The following VPS41 variants were observed in gnomAD, a reference collection of about 807,000 sequenced individuals.
VPS41 encodes the protein vacuolar protein sorting-associated protein 41 homolog.
VPS41 carries 85 observed loss-of-function variants against 130.9 expected under a neutral mutation model. The ratio of observed to expected loss-of-function variants is 0.65; its 90% confidence interval spans 0.55 to 0.78. The LOEUF is 0.78. VPS41 is among the 30% of genes least tolerant of loss of function. The pLI is 0.00. For missense variants in VPS41, 874 were observed against 1,018.7 expected (o/e 0.86, Z 1.93); for synonymous variants, 335 against 332.9 (o/e 1.01, Z -0.07).
At chr7:38,763,615 C>A in intron 16 of VPS41, 68 bp from the exon 17 acceptor site, 1 of 952,324 alleles carries the variant, frequency 1.1e-6, no homozygotes, top group Non-Finnish European at 1.6e-6. Flanking sequence ...TCCAATTATG[C>A]AGAAAACATA....
intron 2 of VPS41, among the ~76,000 whole-genome samples, chr7:38,885,294 C>T (rs978139736): frequency 2.0e-5 from 3 of 152,194 alleles, no homozygotes; most frequent in Admixed American, 6.5e-5. Flanking sequence ...AGGACGGTCT[C>T]GATCTCCCCA....
chr7:38,813,969 CT>C (rs1226128810), intron 7 of VPS41, among the ~76,000 whole-genome samples: 1 of 152,166 alleles, frequency 6.6e-6, no homozygotes, highest in African/African-American at 2.4e-5. Flanking sequence ...AACCAAACCC[CT>C]GATGTTCTGC....
At chr7:38,740,759 AT>A (rs1165231024) in intron 25 of VPS41, among the ~76,000 whole-genome samples, 1 of 152,030 alleles carries the variant, frequency 6.6e-6, no homozygotes, top group Admixed American at 6.6e-5. Context: ...TGTCCAGTTA[AT>A]ACTACTGTCC....
chr7:38,780,446 C>CT (rs1279584525), intron 10 of VPS41, among the ~76,000 whole-genome samples: 1 of 151,554 alleles, frequency 6.6e-6, no homozygotes, highest in Non-Finnish European at 1.5e-5. Context: ...AAAAGCATTC[C>CT]TAGACATGCT....
chr7:38,841,518 T>C (rs1785607270), intron 4 of VPS41, among the ~76,000 whole-genome samples: 1 of 152,178 alleles, frequency 6.6e-6, no homozygotes, highest in East Asian at 1.9e-4. Flanking sequence ...TGCCCTTCAG[T>C]CCCCATGGCT....
At position 38,735,084 on chromosome 7, in the gene VPS41, A is replaced by G. The variant is rs575043894; in HGVS notation, c.2260-6293T>C. On this transcript the variant is annotated intron_variant, in intron 25 of 28. Transcript: ENST00000310301. ...AAATTTCTAATAGCACAAAGTATGG[A>G]TGTACCAAATTAATTTTAAAAGCTA... 2.8e-3 allele frequency among the ~76,000 whole-genome samples: 421 copies of G among 152,352 alleles called. 4 individuals carry two copies. The highest frequency in any genetic ancestry group is 3.9e-3 in the Admixed American group (60 of 15,304).
intron 7 of VPS41, among the ~76,000 whole-genome samples, chr7:38,808,406 C>T (rs1460879017): frequency 6.6e-6 from 1 of 152,092 alleles, no homozygotes; most frequent in Admixed American, 6.5e-5. Context: ...TTACTTCCTG[C>T]TAATCAATGG....
chr7:38,889,413 G>A (rs1006369357), intron 2 of VPS41, among the ~76,000 whole-genome samples: 6 of 151,362 alleles, frequency 4.0e-5, no homozygotes, highest in South Asian at 2.1e-4. Flanking sequence ...ATTTCTTACC[G>A]GAAACACCAA....
chr7:38,907,826 C>T (rs1030087827), intron 1 of VPS41, among the ~76,000 whole-genome samples: 1 of 152,098 alleles, frequency 6.6e-6, no homozygotes, highest in African/African-American at 2.4e-5. Context: ...ATAAAACAAA[C>T]ATTTCAACAT....
chr7:38,899,030 C>G (rs539379946), intron 1 of VPS41, among the ~76,000 whole-genome samples: 1 of 152,070 alleles, frequency 6.6e-6, no homozygotes, highest in Non-Finnish European at 1.5e-5. Flanking sequence ...TAAGGAAGAT[C>G]GATGCATATA....
At chr7:38,755,939 A>G (rs1783781203) in intron 19 of VPS41, among the ~76,000 whole-genome samples, 1 of 152,156 alleles carries the variant, frequency 6.6e-6, no homozygotes, top group Admixed American at 6.6e-5. Flanking sequence ...TGTAGTCCCT[A>G]AAGACTTGAC....
chr7:38,777,797 T>C (rs1296294340), intron 10 of VPS41, among the ~76,000 whole-genome samples: 3 of 152,254 alleles, frequency 2.0e-5, no homozygotes. Context: ...CTGGAACCAA[T>C]ACTGAATGCT....
intron 4 of VPS41, among the ~76,000 whole-genome samples, chr7:38,839,585 C>T (rs748345535): frequency 4.6e-5 from 7 of 152,036 alleles, no homozygotes; most frequent in Non-Finnish European, 8.8e-5. Flanking sequence ...TGCACCACCA[C>T]GTCCAGCTAA....
chr7:38,842,154 A>G (rs534099899), intron 4 of VPS41, among the ~76,000 whole-genome samples: 1 of 152,242 alleles, frequency 6.6e-6, no homozygotes, highest in East Asian at 1.9e-4. Context: ...CATCCCAGAG[A>G]AATTTTTCTC....
chr7:38,840,756 T>G (rs1011091787), intron 4 of VPS41, among the ~76,000 whole-genome samples: 61 of 152,302 alleles, frequency 4.0e-4, no homozygotes, highest in African/African-American at 1.4e-3. Context: ...CAGTCCCCAT[T>G]AGCAAATGGA....
At chr7:38,863,703 T>TA (rs1319965065) in intron 3 of VPS41, among the ~76,000 whole-genome samples, 7 of 151,866 alleles carry the variant, frequency 4.6e-5, no homozygotes, top group South Asian at 4.2e-4. Flanking sequence ...GTCCCCAGGG[T>TA]AAAAAAAATC....
At chr7:38,855,030 G>A (rs960692878) in intron 4 of VPS41, among the ~76,000 whole-genome samples, 7 of 151,882 alleles carry the variant, frequency 4.6e-5, no homozygotes, top group South Asian at 2.1e-4. Flanking sequence ...CCAACATGAT[G>A]AAACCCTGTC....
intron 4 of VPS41, among the ~76,000 whole-genome samples, chr7:38,862,070 G>A (rs947590218): frequency 7.2e-5 from 11 of 152,136 alleles, no homozygotes; most frequent in African/African-American, 2.4e-4. Context: ...CACTAAATGA[G>A]GGAGTTCATA....
chr7:38,770,269 C>CAAA (rs5883660), intron 14 of VPS41, among the ~76,000 whole-genome samples: 1 of 79,548 alleles, frequency 1.3e-5, no homozygotes, highest in African/African-American at 4.0e-5. Context: ...AACTCCGTCT[C>CAAA]AAAAAAAAAA....
Sources: allele counts gnomAD v4.1 joint callset (sites outside exome capture counted in the v4.1 genomes callset), GRCh38; gene constraint gnomAD v4.1.1; transcripts MANE v1.5; gene names NCBI Gene and HGNC (gene_info 2026-07-23, HGNC 2026-07-21).